The following LRIG1 variants were observed in gnomAD, a reference collection of about 807,000 sequenced individuals.
The protein encoded by LRIG1 is leucine-rich repeats and immunoglobulin-like domains protein 1.
In LRIG1, 48 loss-of-function variants were observed where a neutral mutation model predicts 99.2. The ratio of observed to expected loss-of-function variants is 0.48; its 90% CI spans 0.38 to 0.62. LRIG1 has a LOEUF of 0.62. Ranked by LOEUF, LRIG1 falls within the 20% of genes least tolerant of loss-of-function variation. The probability of loss-of-function intolerance (pLI) is 0.00; values close to 1 mark genes in which losing one functional copy is unlikely to be tolerated. For missense variants in LRIG1, 1,646 were observed against 1,434.4 expected, an observed-to-expected ratio of 1.15 and a Z score of -2.38; for synonymous variants, 772 against 596.1, an observed-to-expected ratio of 1.29 and a Z score of -4.30.
At chr3:66,454,311 G>C (rs908707579) in intron 2 of LRIG1, among the ~76,000 whole-genome samples, 13 of 152,216 alleles carry the variant, frequency 8.5e-5, no homozygotes, top group African/African-American at 3.1e-4. Context: ...AGCTCACTCT[G>C]AGATGCAAAG....
At position 66,435,847 on chromosome 3, in the gene LRIG1, C is replaced by T. The variant is rs191877265; in HGVS notation, c.365+15712G>A. Among the ~76,000 whole-genome samples, 12 of 151,674 alleles carry T rather than the reference C, an allele frequency of 7.9e-5. No individual in the cohort carries two copies. In the East Asian group the frequency reaches 2.1e-3, roughly 27 times the overall value. ...CCTAAGTATCATTAAAACAACAATACAAAAGTGTCATGGCATTCACGGTGG... is the reference window on the plus strand; with the variant it reads ...CCTAAGTATCATTAAAACAACAATATAAAAGTGTCATGGCATTCACGGTGG... On this transcript the variant is annotated intron_variant, in intron 3 of 18. Coordinates refer to ENST00000273261, the MANE Select transcript of LRIG1 (RefSeq NM_015541.3).
intron 3 of LRIG1, among the ~76,000 whole-genome samples, chr3:66,437,548 A>T (rs1173827428): frequency 6.6e-6 from 1 of 152,178 alleles, no homozygotes; most frequent in Non-Finnish European, 1.5e-5. Flanking sequence ...CACTTCTACT[A>T]TAACGTGCCC....
At chr3:66,461,362 AC>A (rs1202053055) in intron 2 of LRIG1, among the ~76,000 whole-genome samples, 1 of 152,230 alleles carries the variant, frequency 6.6e-6, no homozygotes, top group Non-Finnish European at 1.5e-5. Flanking sequence ...GTTACTCATA[AC>A]AAAAATGGGT....
At chr3:66,390,838 CTT>C (rs1701589186) in intron 12 of LRIG1, among the ~76,000 whole-genome samples, 1 of 152,100 alleles carries the variant, frequency 6.6e-6, no homozygotes, top group Non-Finnish European at 1.5e-5. Context: ...AAATTAAAAA[CTT>C]TTGCATTTCA....
chr3:66,430,657 A>G (rs936349108), intron 3 of LRIG1, among the ~76,000 whole-genome samples: 4 of 152,172 alleles, frequency 2.6e-5, no homozygotes, highest in African/African-American at 9.7e-5. Context: ...TTGAGGAGTT[A>G]GTTCCATGTC....
intron 4 of LRIG1, among the ~76,000 whole-genome samples, chr3:66,415,525 T>TCAAACTACA (rs1381285262): frequency 6.6e-6 from 1 of 152,240 alleles, no homozygotes; most frequent in Non-Finnish European, 1.5e-5. Flanking sequence ...GAGGTGGGTC[T>TCAAACTACA]TGCTATATGA....
At chr3:66,431,777 A>G (rs1703181537) in intron 3 of LRIG1, among the ~76,000 whole-genome samples, 1 of 152,202 alleles carries the variant, frequency 6.6e-6, no homozygotes, top group Non-Finnish European at 1.5e-5. Context: ...TCCTTCTCAC[A>G]GCCACCCTTC....
intron 1 of LRIG1, among the ~76,000 whole-genome samples, chr3:66,463,006 G>C (rs954716533): frequency 2.0e-5 from 3 of 152,108 alleles, no homozygotes; most frequent in African/African-American, 2.4e-5. Context: ...GCAATGTCTG[G>C]AGACATTTTT....
intron 1 of LRIG1, among the ~76,000 whole-genome samples, chr3:66,474,242 G>A (rs939286393): frequency 9.9e-5 from 15 of 152,070 alleles, no homozygotes; most frequent in African/African-American, 3.4e-4. Flanking sequence ...AAAACTGGCT[G>A]TGAAAATGAC....
chr3:66,481,724 C>A (rs1700856421), intron 1 of LRIG1, among the ~76,000 whole-genome samples: 1 of 152,184 alleles, frequency 6.6e-6, no homozygotes, highest in Non-Finnish European at 1.5e-5. Flanking sequence ...AAGTAGTGAT[C>A]TTTGTGGCAG....
intron 1 of LRIG1, among the ~76,000 whole-genome samples, chr3:66,475,945 CAGAGAT>C (rs1349719982): frequency 6.6e-6 from 1 of 152,188 alleles, no homozygotes; most frequent in Non-Finnish European, 1.5e-5. Flanking sequence ...AGCCCCAAAA[CAGAGAT>C]TCTTTACAGC....
Position 66,384,170 on chromosome 3 carries a change from G to A in LRIG1, c.1892C>T (p.Ala631Val). The change falls in exon 14 of 19, where the codon GCC becomes GTC. Residue 631 changes from alanine (A) to valine (V), a missense_variant. By Grantham distance (64) the Ala-to-Val change is moderately conservative. Transcript: ENST00000273261. ...AATGHPNPQI[A>V]WQKDGGTDFP... ...ATCCGTGCCTCCATCCTTCTGCCAG[G>A]CAATCTGAGGGTTTGGGTGACCTGT... 1 of 1,614,212 alleles carries A rather than the reference G, an allele frequency of 6.2e-7. No individual in the cohort carries two copies. The highest frequency in any genetic ancestry group is 8.5e-7 in the Non-Finnish European group (1 of 1,180,042).
At chr3:66,408,044 CCA>C (rs1443241663) in intron 7 of LRIG1, among the ~76,000 whole-genome samples, 1 of 152,212 alleles carries the variant, frequency 6.6e-6, no homozygotes, top group Non-Finnish European at 1.5e-5. Context: ...CTCCCTGCCC[CCA>C]TCCACGTGGA....
In LRIG1 at chr3:66,488,737, G is replaced by A. The variant is rs1026107008; in HGVS notation, c.218+11453C>T. On this transcript the variant is annotated intron_variant, in intron 1 of 18. Transcript: ENST00000273261. ...ATCTCCCTGGTAAAAGGGATGGCAA[G>A]CTGGCCCAGAAAGAACAGGCAGTGC... is the stretch of plus-strand genomic sequence containing the variant. Among the ~76,000 whole-genome samples, 8 of 152,216 alleles carry A rather than the reference G, an allele frequency of 5.3e-5. No individual in the cohort carries two copies. In the East Asian group the frequency reaches 5.8e-4, roughly 11 times the overall value.
At chr3:66,459,038 T>A (rs986649996) in intron 2 of LRIG1, among the ~76,000 whole-genome samples, 80 of 151,334 alleles carry the variant, frequency 5.3e-4, no homozygotes, top group African/African-American at 1.7e-3. Flanking sequence ...AAAGATAATG[T>A]TTTATATCAC....
chr3:66,451,292 C>A (rs1364305519), intron 3 of LRIG1, among the ~76,000 whole-genome samples: 1 of 150,486 alleles, frequency 6.6e-6, no homozygotes, highest in Non-Finnish European at 1.5e-5. Flanking sequence ...AATCTAGTTC[C>A]ATATACCTCT....
At chr3:66,430,052 C>T (rs1203448854) in intron 3 of LRIG1, among the ~76,000 whole-genome samples, 1 of 152,114 alleles carries the variant, frequency 6.6e-6, no homozygotes, top group Non-Finnish European at 1.5e-5. Context: ...ACGCTTAGAA[C>T]TTAAAAGGTA....
At position 66,378,972 on chromosome 3, in the gene LRIG1, A is replaced by G. The variant is rs913971499; in HGVS notation, c.*1291T>C. 6.6e-6 allele frequency: 1 copy of G among 152,636 alleles called. No individual in the cohort carries two copies. Among genetic ancestry groups the G allele is most frequent in the Non-Finnish European group, 1.5e-5 (1 of 68,034 alleles). The allele number at this position is 152,636 out of a possible 1,614,324, so 9.5% of individuals were successfully genotyped here. ...CCTCTCAGAAGCAGCAAATTCACAT[A>G]TTTTGTGGAAGTAAGATTAGTCAGT... On this transcript the variant is annotated 3_prime_UTR_variant, in exon 19 of 19. Transcript: ENST00000273261.
intron 9 of LRIG1, chr3:66,404,380 T>C (rs1479780826): frequency 7.9e-7 from 1 of 1,268,214 alleles, no homozygotes; most frequent in African/African-American, 1.5e-5. Flanking sequence ...CCTCCAGTCT[T>C]CCCTCCGAGC....
Sources: allele counts gnomAD v4.1 joint callset (sites outside exome capture counted in the v4.1 genomes callset), GRCh38; gene constraint gnomAD v4.1.1; transcripts MANE v1.5; gene names NCBI Gene and HGNC (gene_info 2026-07-23, HGNC 2026-07-21).